Variants in TSPAN18 observed in about 807,000 individuals in gnomAD.
TSPAN18 encodes tetraspanin-18.
Under a neutral mutation model 27.3 loss-of-function variants are expected in TSPAN18, and 14 were observed. That is an observed-to-expected ratio of 0.51 (90% CI 0.34 to 0.80). The LOEUF (loss-of-function observed/expected upper bound fraction) is 0.80. TSPAN18 is among the 30% of genes least tolerant of loss of function. The pLI is 0.01. For synonymous variants in TSPAN18, 143 were observed against 136.5 expected (o/e 1.05, Z -0.33); for missense variants, 268 against 323.9 (o/e 0.83, Z 1.32).
chr11:44,821,770 G>T (rs1856933567), intron 2 of TSPAN18, among the ~76,000 whole-genome samples: 1 of 152,172 alleles, frequency 6.6e-6, no homozygotes, highest in African/African-American at 2.4e-5. Context: ...CTGGGCTTCT[G>T]CATAAATTTA....
At chr11:44,911,623 C>T (rs1859717861) in intron 5 of TSPAN18, among the ~76,000 whole-genome samples, 1 of 152,142 alleles carries the variant, frequency 6.6e-6, no homozygotes, top group African/African-American at 2.4e-5. Flanking sequence ...ACCCAGCCTC[C>T]CTTTCCCCCT....
At chr11:44,911,292 C>T (rs1859703509) in intron 5 of TSPAN18, among the ~76,000 whole-genome samples, 1 of 152,026 alleles carries the variant, frequency 6.6e-6, no homozygotes, top group East Asian at 1.9e-4. Flanking sequence ...TAAGCCAGCA[C>T]CAGCAGTGCT....
chr11:44,879,698 C>A (rs528931523), intron 3 of TSPAN18, among the ~76,000 whole-genome samples: 1 of 152,342 alleles, frequency 6.6e-6, no homozygotes, highest in South Asian at 2.1e-4. Context: ...GGCCAGGTCA[C>A]TGAGGGCCTT....
At chr11:44,908,806 A>AGAAGGAAGGAAGGAAGGAAGGAAAGAAAG (rs1564993044) in intron 4 of TSPAN18, among the ~76,000 whole-genome samples, 1 of 114,504 alleles carries the variant, frequency 8.7e-6, no homozygotes, top group African/African-American at 3.9e-5. Context: ...AAAGAAAGAA[A>AGAAGGAAGGAAGGAAGGAAGGAAAGAAAG]GAAAGAAAGA....
At chr11:44,740,714 A>G (rs890956726) in intron 1 of TSPAN18, among the ~76,000 whole-genome samples, 8 of 152,190 alleles carry the variant, frequency 5.3e-5, no homozygotes, top group Non-Finnish European at 1.5e-5. Context: ...TGGAGGGAGC[A>G]CTGGACTGCG....
At chr11:44,889,386 C>T (rs768197186) in intron 3 of TSPAN18, among the ~76,000 whole-genome samples, 5 of 152,342 alleles carry the variant, frequency 3.3e-5, no homozygotes, top group South Asian at 2.1e-4. Flanking sequence ...CCCTACATTC[C>T]ATTCCCCACC....
chr11:44,811,946 G>A (rs1425080983), intron 2 of TSPAN18, among the ~76,000 whole-genome samples: 1 of 152,220 alleles, frequency 6.6e-6, no homozygotes, highest in Non-Finnish European at 1.5e-5. Context: ...TCATTCCCCG[G>A]GATGACAGCT....
intron 2 of TSPAN18, among the ~76,000 whole-genome samples, chr11:44,858,343 C>T (rs1018321589): frequency 2.6e-5 from 4 of 152,034 alleles, no homozygotes; most frequent in African/African-American, 2.4e-5. Context: ...CACATGCTCA[C>T]GGGTGTTATC....
chr11:44,825,317 C>T (rs1026391844), intron 2 of TSPAN18, among the ~76,000 whole-genome samples: 8 of 152,226 alleles, frequency 5.3e-5, no homozygotes, highest in Non-Finnish European at 7.3e-5. Context: ...CAGCCAAGAA[C>T]GGAGGGCTGA....
At chr11:44,925,410 C>T (rs1278253326) in intron 8 of TSPAN18, among the ~76,000 whole-genome samples, 1 of 152,188 alleles carries the variant, frequency 6.6e-6, no homozygotes, top group Admixed American at 6.5e-5. Context: ...GTCCTGTTTG[C>T]TCCATGGGGC....
chr11:44,808,107 G>A (rs911166088), intron 2 of TSPAN18, among the ~76,000 whole-genome samples: 1 of 152,058 alleles, frequency 6.6e-6, no homozygotes, highest in African/African-American at 2.4e-5. Context: ...GATTTTTTTT[G>A]TATAAACCCC....
At chr11:44,766,911 G>A (rs1020814463) in intron 2 of TSPAN18, among the ~76,000 whole-genome samples, 6 of 152,112 alleles carry the variant, frequency 3.9e-5, no homozygotes, top group Admixed American at 2.6e-4. Flanking sequence ...CTGTAAGATG[G>A]GCAAAGAGCA....
chr11:44,864,817 T>G (rs1857991617), intron 3 of TSPAN18, among the ~76,000 whole-genome samples: 1 of 152,222 alleles, frequency 6.6e-6, no homozygotes, highest in Non-Finnish European at 1.5e-5. Flanking sequence ...TGATTATTTC[T>G]GGAGGACGCC....
chr11:44,881,612 G>A (rs923312466), intron 3 of TSPAN18, among the ~76,000 whole-genome samples: 6 of 152,126 alleles, frequency 3.9e-5, no homozygotes, highest in African/African-American at 9.7e-5. Context: ...ATACATCTCC[G>A]CCACCTGTAG....
intron 2 of TSPAN18, among the ~76,000 whole-genome samples, chr11:44,806,289 C>T (rs1481488740): frequency 6.6e-6 from 1 of 152,182 alleles, no homozygotes; most frequent in African/African-American, 2.4e-5. Flanking sequence ...CCTGCCTCAG[C>T]CTCCCAAAGT....
intron 2 of TSPAN18, among the ~76,000 whole-genome samples, chr11:44,823,404 G>A (rs745486538): frequency 5.9e-5 from 9 of 152,310 alleles, no homozygotes; most frequent in East Asian, 1.9e-4. Flanking sequence ...CCCCGAAGTC[G>A]GGTGGTTTCT....
At position 44,772,710 on chromosome 11, in the gene TSPAN18, G is replaced by A. The variant is rs143305705; in HGVS notation, c.-153+8198G>A. ...ATTTTGCTATTGTTGCCTGGCTGGA[G>A]TGCAATGGCGCCATCTCAGCTCACT... On this transcript the variant is annotated intron_variant, in intron 2 of 9. Coordinates refer to ENST00000520358, the MANE Select transcript of TSPAN18 (RefSeq NM_130783.5). 1.5e-3 allele frequency among the ~76,000 whole-genome samples: 233 copies of A among 152,256 alleles called. 2 individuals are homozygous for A. The highest frequency in any genetic ancestry group is 5.5e-3 in the African/African-American group (228 of 41,544).
chr11:44,899,625 T>C (rs1453593210), intron 3 of TSPAN18, among the ~76,000 whole-genome samples: 4 of 152,274 alleles, frequency 2.6e-5, no homozygotes, highest in African/African-American at 2.4e-5. Context: ...GGAGCCACCA[T>C]GTGTCAAGTG....
intron 2 of TSPAN18, among the ~76,000 whole-genome samples, chr11:44,823,033 C>T (rs1856959779): frequency 6.6e-6 from 1 of 152,162 alleles, no homozygotes; most frequent in Admixed American, 6.5e-5. Flanking sequence ...ATAGTCAGCC[C>T]CCAGTGAATG....
Sources: gnomAD v4.1 joint callset for allele counts (sites outside exome capture counted in the v4.1 genomes callset) on GRCh38, gnomAD v4.1.1 for gene constraint, MANE v1.5 for transcripts, NCBI Gene and HGNC (gene_info 2026-07-23, HGNC 2026-07-21) for gene names.